The following ABCA10 variants were observed in gnomAD, a reference collection of about 807,000 sequenced individuals.
The protein encoded by ABCA10 is ATP binding cassette subfamily A member 10.
In ABCA10, 169 loss-of-function variants were observed where a neutral mutation model predicts 187.5. The ratio of observed to expected loss-of-function variants is 0.90; its 90% CI spans 0.80 to 1.02. ABCA10 has a LOEUF of 1.02. Among genes scored for constraint, ABCA10 ranks in the 50% least tolerant of loss-of-function variants. The pLI, the probability that ABCA10 is intolerant of heterozygous loss-of-function variation, is 0.00. For synonymous variants in ABCA10, 574 were observed against 601.8 expected (o/e 0.95, Z 0.68); for missense variants, 1,727 against 1,812.4 (o/e 0.95, Z 0.86).
At chr17:69,232,078 A>G (rs1239167337), upstream of ABCA10, among the ~76,000 whole-genome samples, 2 of 151,536 alleles carry the variant, frequency 1.3e-5, no homozygotes, top group African/African-American at 4.8e-5. Flanking sequence ...TTTTGTTTCT[A>G]TGTGCATAAA....
chr17:69,148,676 C>T lies in ABCA10; in HGVS notation c.*151G>A. ...CCTATATTTCCTTGTTTCCTTCATC[C>T]TAAATTTTTAAAAATGAAAACTGTA... On this transcript the variant is annotated 3_prime_UTR_variant, in exon 39 of 39. Coordinates refer to ENST00000690296, the MANE Select transcript of ABCA10 (RefSeq NM_001377321.1). 1.4e-6 allele frequency: 1 copy of T among 692,262 alleles called. No homozygotes were observed. The highest frequency in any genetic ancestry group is 2.3e-6 in the Non-Finnish European group (1 of 436,502). The allele number at this position is 692,262 out of a possible 1,614,324, so 42.9% of individuals were successfully genotyped here.
chr17:69,237,350 CAGA>C (rs2144866643), intron 1 of ABCA10, among the ~76,000 whole-genome samples: 1 of 152,318 alleles, frequency 6.6e-6, no homozygotes, highest in African/African-American at 2.4e-5. Context: ...TACCACATGA[CAGA>C]AGCTCTTCTT....
At chr17:69,171,744 C>A in intron 25 of ABCA10, among the ~76,000 whole-genome samples, 1 of 152,194 alleles carries the variant, frequency 6.6e-6, no homozygotes, top group East Asian at 1.9e-4. Flanking sequence ...GACATCTGAA[C>A]AGTTAAAATG....
chr17:69,225,093 G>A (rs1463414585), intron 3 of ABCA10, among the ~76,000 whole-genome samples: 1 of 150,526 alleles, frequency 6.6e-6, no homozygotes. Context: ...TAGTATAAAG[G>A]GCAAACGGTA....
intron 6 of ABCA10, 35 bp from the exon 7 acceptor site, chr17:69,216,393 CA>C: frequency 6.3e-7 from 1 of 1,582,076 alleles, no homozygotes; most frequent in East Asian, 2.3e-5. Flanking sequence ...TCAACTGTCA[CA>C]AACATAAATG....
intron 19 of ABCA10, among the ~76,000 whole-genome samples, chr17:69,186,661 A>G (rs1246911783): frequency 1.3e-5 from 2 of 152,148 alleles, no homozygotes; most frequent in African/African-American, 4.8e-5. Context: ...CTCAACTGTT[A>G]TTAACCCTCC....
At chr17:69,198,532 A>G (rs560694761) in intron 10 of ABCA10, among the ~76,000 whole-genome samples, 81 of 152,172 alleles carry the variant, frequency 5.3e-4, no homozygotes, top group Non-Finnish European at 9.6e-4. Context: ...GCAGATTGAG[A>G]TAACTGGTGA....
intron 22 of ABCA10, among the ~76,000 whole-genome samples, chr17:69,180,963 A>T (rs2074376066): frequency 6.6e-6 from 1 of 152,146 alleles, no homozygotes; most frequent in Non-Finnish European, 1.5e-5. Context: ...ACTAAATTGC[A>T]TCTGATCAAA....
chr17:69,208,402 G>T (rs756765924), intron 9 of ABCA10, among the ~76,000 whole-genome samples: 1 of 135,088 alleles, frequency 7.4e-6, no homozygotes, highest in Non-Finnish European at 1.5e-5. Flanking sequence ...GAGGGGACAG[G>T]GCGAGACTCT....
At chr17:69,156,946 A>G in intron 27 of ABCA10, 23 bp from the exon 28 acceptor site, 2 of 1,436,156 alleles carry the variant, frequency 1.4e-6, no homozygotes, top group Non-Finnish European at 1.9e-6. Context: ...AAAAATAATC[A>G]GAATTAGCAT....
intron 1 of ABCA10, among the ~76,000 whole-genome samples, chr17:69,238,993 C>T (rs1388753170): frequency 6.6e-6 from 1 of 152,210 alleles, no homozygotes; most frequent in Non-Finnish European, 1.5e-5. Context: ...CCCCATCCCC[C>T]ACAGCCTAGC....
At chr17:69,242,702 C>T (rs1460839329) in intron 1 of ABCA10, among the ~76,000 whole-genome samples, 1 of 152,066 alleles carries the variant, frequency 6.6e-6, no homozygotes, top group Non-Finnish European at 1.5e-5. Context: ...GACCCTCAGC[C>T]TCCCAAAGTG....
chr17:69,193,459 T>C, intron 14 of ABCA10, 34 bp downstream of exon 14: 1 of 1,590,776 alleles, frequency 6.3e-7, no homozygotes, highest in Non-Finnish European at 8.5e-7. Context: ...TCCTTCAATC[T>C]AAATTAATTG....
At chr17:69,184,120 T>A (rs963225863) in intron 20 of ABCA10, among the ~76,000 whole-genome samples, 5 of 152,200 alleles carry the variant, frequency 3.3e-5, no homozygotes, top group East Asian at 1.9e-4. Context: ...ACCTGTACGA[T>A]GCAGCAGAAG....
intron 25 of ABCA10, among the ~76,000 whole-genome samples, chr17:69,171,620 C>T (rs1178148351): frequency 1.3e-5 from 2 of 151,834 alleles, no homozygotes; most frequent in South Asian, 4.2e-4. Flanking sequence ...CCAATTTATA[C>T]AAAAATAAAG....
Position 69,193,508 on chromosome 17 carries a change from G to A in ABCA10, c.1626C>T (p.Ile542=), listed in dbSNP as rs2074476882. The change falls in exon 14 of 39, where the codon ATC becomes ATT. Residue 542 remains isoleucine, a synonymous_variant. Transcript: ENST00000690296. ...QKRKLTLGIA[I]LGDPQVLLLD... ...TTTCTCTCACCTGAGGATCTCCTAA[G>A]ATGGCAATCCCTAGTGTTAGTTTTC... 6.2e-7 allele frequency: 1 copy of A among 1,613,058 alleles called. No homozygotes were observed. The highest frequency in any genetic ancestry group is 8.5e-7 in the Non-Finnish European group (1 of 1,179,622).
intron 20 of ABCA10, among the ~76,000 whole-genome samples, chr17:69,183,851 TG>T (rs1239264655): frequency 2.0e-5 from 3 of 152,112 alleles, no homozygotes; most frequent in African/African-American, 7.2e-5. Context: ...CATAGTTTCC[TG>T]GACAGAATCT....
At chr17:69,201,081 C>G (rs1229519438) in intron 10 of ABCA10, among the ~76,000 whole-genome samples, 1 of 152,158 alleles carries the variant, frequency 6.6e-6, no homozygotes, top group East Asian at 1.9e-4. Flanking sequence ...AGTCACAAAG[C>G]TATTAAATTG....
intron 9 of ABCA10, among the ~76,000 whole-genome samples, chr17:69,205,398 T>A (rs891904623): frequency 1.3e-5 from 2 of 152,206 alleles, no homozygotes; most frequent in African/African-American, 4.8e-5. Context: ...TGCTGGGAAT[T>A]TATTGAGCAT....
Sources: gnomAD v4.1 joint callset for allele counts (sites outside exome capture counted in the v4.1 genomes callset) on GRCh38, gnomAD v4.1.1 for gene constraint, MANE v1.5 for transcripts, NCBI Gene and HGNC (gene_info 2026-07-23, HGNC 2026-07-21) for gene names.